Variants in CD320 observed in about 807,000 individuals in gnomAD.
CD320 encodes the protein CD320 antigen.
CD320 carries 16 observed loss-of-function variants against 22.1 expected under a neutral mutation model. The observed-to-expected ratio is 0.73, with a 90% CI of 0.49 to 1.10. The LOEUF is 1.10. Ranked by LOEUF, CD320 falls within the 50% of genes least tolerant of loss-of-function variation. CD320 has a pLI of 0.00. For synonymous variants in CD320, 188 were observed against 167.8 expected (o/e 1.12, Z -0.93); for missense variants, 388 against 376.9 (o/e 1.03, Z -0.24).
In CD320 at chr19:8,308,335, T is replaced by C. The variant is rs749532280; in HGVS notation, c.-45A>G. 3.8e-6 allele frequency: 6 copies of C among 1,571,080 alleles called. No individual in the cohort carries two copies. Among genetic ancestry groups the C allele is most frequent in the Non-Finnish European group, 5.1e-6 (6 of 1,165,798 alleles). ...CGGCCACGCGCTGTCCAGACCGCTC[T>C]CTTATCCCTGCGCACGCGCACGCGC... On this transcript the variant is annotated 5_prime_UTR_variant, in exon 1 of 5. Transcript: ENST00000301458.
intron 3 of CD320, 104 bp from the exon 4 acceptor site, chr19:8,303,084 C>T (rs1970033693): frequency 2.8e-6 from 2 of 703,734 alleles, no homozygotes. Flanking sequence ...ACCAACCAGG[C>T]TGGGTGAAGC....
At chr19:8,307,768 G>A (rs929504034) in intron 1 of CD320, among the ~76,000 whole-genome samples, 21 of 152,166 alleles carry the variant, frequency 1.4e-4, no homozygotes, top group African/African-American at 4.1e-4. Flanking sequence ...GCAAAGGTGC[G>A]AGAGGCACCA....
rs751552114 is a variant in CD320, at chr19:8,302,321, G to A, written c.*142C>T. ...CTCAATCTCCAGGGCCACTTCTGCA[G>A]GAGCTCGGGTTCGAGGTTCCACGTG... On this transcript the variant is annotated 3_prime_UTR_variant, in exon 5 of 5. Transcript: ENST00000301458. 5 of 1,025,164 alleles carry A rather than the reference G, an allele frequency of 4.9e-6. No individual in the cohort carries two copies. In the African/African-American group the frequency reaches 6.3e-5, roughly 13 times the overall value. The allele number at this position is 1,025,164 out of a possible 1,614,324, so 63.5% of individuals were successfully genotyped here.
Position 8,308,305 on chromosome 19 carries a change from G to T in CD320, c.-15C>A. ...CCGCCGCTCATGCTGTCCCCACAGC[G>T]GCGCCGGCCACGCGCTGTCCAGACC... On this transcript the variant is annotated 5_prime_UTR_variant, in exon 1 of 5. Transcript: ENST00000301458. The T allele has an allele frequency of 3.2e-6, 5 of 1,584,092 alleles. No homozygotes were observed. Among genetic ancestry groups the T allele is most frequent in the Admixed American group, 1.7e-5 (1 of 58,272 alleles).
At chr19:8,307,327 C>T (rs1474596779) in intron 1 of CD320, among the ~76,000 whole-genome samples, 3 of 132,094 alleles carry the variant, frequency 2.3e-5, no homozygotes, top group Admixed American at 2.2e-4. Flanking sequence ...AACGTGAACG[C>T]TGCCTCCTTA....
Position 8,303,882 on chromosome 19 carries a change from G to T in CD320, c.475C>A (p.Pro159Thr). The change falls in exon 3 of 5, where the codon CCC becomes ACC. Residue 159 changes from proline (P) to threonine (T), a missense_variant. Coordinates refer to ENST00000301458, the MANE Select transcript of CD320 (RefSeq NM_016579.4). ...CAGCCGAGCTCGTCGCTGGAGTCGG[G>T]ACAGTCTGGGTGGCCGTCGCAGCGC... ...TWRCDGHPDC[P>T]DSSDELGCGT... is the part of the protein sequence containing the mutation. 6.2e-7 allele frequency: 1 copy of T among 1,605,020 alleles called. No homozygotes were observed. Among genetic ancestry groups the T allele is most frequent in the Non-Finnish European group, 8.5e-7 (1 of 1,176,260 alleles).
intron 1 of CD320, among the ~76,000 whole-genome samples, chr19:8,307,098 T>G (rs1226496732): frequency 6.6e-6 from 1 of 151,686 alleles, no homozygotes; most frequent in Non-Finnish European, 1.5e-5. Flanking sequence ...TCGAGACCAG[T>G]CTGGCCAACA....
chr19:8,305,940 G>A (rs985808846), intron 1 of CD320: 1 of 152,250 alleles, frequency 6.6e-6, no homozygotes, highest in African/African-American at 2.4e-5. Context: ...AAGGGAAACT[G>A]AGGCAGTGGG....
At chr19:8,306,696 T>C (rs578053612) in intron 1 of CD320, among the ~76,000 whole-genome samples, 47 of 152,326 alleles carry the variant, frequency 3.1e-4, no homozygotes, top group African/African-American at 1.1e-3. Flanking sequence ...CTGAGCTCTA[T>C]GGATCCCAGA....
intron 1 of CD320, among the ~76,000 whole-genome samples, chr19:8,306,395 C>T (rs563532230): frequency 6.6e-6 from 1 of 152,248 alleles, no homozygotes; most frequent in East Asian, 1.9e-4. Flanking sequence ...GAGAAGATCC[C>T]GGCTGTCCTA....
Position 8,302,194 on chromosome 19 carries a change from G to A in CD320, c.*269C>T, listed in dbSNP as rs537002852. The A allele has an allele frequency of 4.5e-5, 29 of 647,448 alleles. No homozygotes were observed. Among genetic ancestry groups the A allele is most frequent in the Admixed American group, 8.3e-5 (4 of 48,070 alleles). The allele number at this position is 647,448 out of a possible 1,614,324, so 40.1% of individuals were successfully genotyped here. On this transcript the variant is annotated 3_prime_UTR_variant, in exon 5 of 5. Coordinates refer to ENST00000301458, the MANE Select transcript of CD320 (RefSeq NM_016579.4). ...GCAGGAGTGTCTTAAGCACAGGGCC[G>A]TTCTACCCCCTGGGAGCTGCCTGGG...
At chr19:8,306,632 T>C (rs1970091808) in intron 1 of CD320, among the ~76,000 whole-genome samples, 1 of 152,170 alleles carries the variant, frequency 6.6e-6, no homozygotes. Context: ...CACTCCCCAC[T>C]GCCAGCCCCT....
Position 8,304,043 on chromosome 19 carries a change from C to G in CD320, c.314G>C (p.Gly105Ala), listed in dbSNP as rs867215292. The G allele has an allele frequency of 6.4e-7, 1 of 1,559,368 alleles. No homozygotes were observed. The highest frequency in any genetic ancestry group is 8.7e-7 in the Non-Finnish European group (1 of 1,150,818). The change falls in exon 3 of 5, where the codon GGC becomes GCC. Residue 105 changes from glycine (G) to alanine (A), a missense_variant. Physicochemically the swap from Gly to Ala is moderately conservative, Grantham distance 60 (BLOSUM62 0). Transcript: ENST00000301458. ...TQKGQCPPPPGLPCPCTGVSD... is the reference protein window; with the variant it reads ...TQKGQCPPPPALPCPCTGVSD... ...GACGCCGGTGCAGGGGCAGGGGAGGCCAGGGGGCGGTGGGCATTGCCCTTT... is the reference window on the plus strand; with the variant it reads ...GACGCCGGTGCAGGGGCAGGGGAGGGCAGGGGGCGGTGGGCATTGCCCTTT...
chr19:8,307,294 A>C (rs914371918), intron 1 of CD320, among the ~76,000 whole-genome samples: 1 of 151,616 alleles, frequency 6.6e-6, no homozygotes, highest in African/African-American at 2.4e-5. Flanking sequence ...AAAAAAAAAA[A>C]ACAAAAACTT....
Position 8,304,958 on chromosome 19 carries a change from C to T in CD320, c.268+73G>A, listed in dbSNP as rs2232782. 3,983 of 1,560,222 alleles carry T rather than the reference C, an allele frequency of 2.6e-3. 5 individuals are homozygous for T. Among genetic ancestry groups the T allele is most frequent in the Admixed American group, 4.1e-3 (245 of 59,732 alleles). Reference sequence around the variant, plus strand: ...GCCTTTCCCACAAGCTCCACCTCCGCGTGCCTGGCCCCTGACAAACCACCC... The same window carrying T: ...GCCTTTCCCACAAGCTCCACCTCCGTGTGCCTGGCCCCTGACAAACCACCC... On this transcript the variant is annotated intron_variant, in intron 2 of 4. Coordinates refer to ENST00000301458, the MANE Select transcript of CD320 (RefSeq NM_016579.4).
At position 8,303,842 on chromosome 19, in the gene CD320, C is replaced by G. The variant is rs777346987; in HGVS notation, c.502+13G>C. 3.2e-6 allele frequency: 5 copies of G among 1,564,850 alleles called. No homozygotes were observed. The highest frequency in any genetic ancestry group is 1.7e-4 in the Middle Eastern group (1 of 5,996). On this transcript the variant is annotated intron_variant, in intron 3 of 4. Transcript: ENST00000301458. ...TCTACCCACGAGTCCACCCCAGCCC[C>G]GCAGGTGCATACCACAGCCGAGCTC...
chr19:8,304,780 G>A lies in CD320; in HGVS notation c.268+251C>T, dbSNP rs79602478. 2,976 of 480,958 alleles carry A rather than the reference G, an allele frequency of 6.2e-3. 79 individuals carry two copies. Among genetic ancestry groups the A allele is most frequent in the African/African-American group, 0.056 (2,798 of 50,294 alleles). 29.8% of individuals were successfully genotyped at this position (480,958 alleles called of 1,614,324 possible). On this transcript the variant is annotated intron_variant, in intron 2 of 4. Transcript: ENST00000301458. ...TGGCACAATCCTAGCTCACTGCAGC[G>A]GCAACCTCCCAGGATCAAGTGATCG... is the stretch of plus-strand genomic sequence containing the variant.
chr19:8,304,276 T>C (rs1970054919), intron 2 of CD320, among the ~76,000 whole-genome samples, 188 bp from the exon 3 acceptor site: 1 of 152,200 alleles, frequency 6.6e-6, no homozygotes, highest in Non-Finnish European at 1.5e-5. Flanking sequence ...TGCAAGCTCT[T>C]CCCCTGAGAC....
intron 1 of CD320, among the ~76,000 whole-genome samples, chr19:8,306,519 C>G (rs1297003909): frequency 6.6e-6 from 1 of 152,156 alleles, no homozygotes; most frequent in Admixed American, 6.5e-5. Context: ...CTCCTGGGTG[C>G]GGCCAGGGGA....
Sources: gnomAD v4.1 joint callset for allele counts (sites outside exome capture counted in the v4.1 genomes callset) on GRCh38, gnomAD v4.1.1 for gene constraint, MANE v1.5 for transcripts, NCBI Gene and HGNC (gene_info 2026-07-23, HGNC 2026-07-21) for gene names.